USP49: variants seen among roughly 807,000 people sequenced by gnomAD.
USP49 encodes the protein ubiquitin specific peptidase 49.
USP49 carries 24 observed loss-of-function variants against 58.6 expected under a neutral mutation model. That is an observed-to-expected ratio of 0.41 (90% CI 0.30 to 0.58). USP49 has a LOEUF of 0.58. Among genes scored for constraint, USP49 ranks in the 20% least tolerant of loss-of-function variants. USP49 has a pLI of 0.30. For synonymous variants in USP49, 408 were observed against 365.1 expected, an observed-to-expected ratio of 1.12 and a Z score of -1.34; for missense variants, 703 against 866.1, an observed-to-expected ratio of 0.81 and a Z score of 2.36.
At chr6:41,812,712 A>G (rs937053808) in intron 3 of USP49, among the ~76,000 whole-genome samples, 1 of 152,136 alleles carries the variant, frequency 6.6e-6, no homozygotes, top group African/African-American at 2.4e-5. Context: ...ACTTTAGTAC[A>G]TTAATCCAGT....
intron 3 of USP49, among the ~76,000 whole-genome samples, chr6:41,830,331 T>C (rs985679219): frequency 2.6e-5 from 4 of 152,224 alleles, no homozygotes; most frequent in African/African-American, 4.8e-5. Context: ...ATGTTTAATA[T>C]AGCTAAGTTC....
chr6:41,884,418 T>C (rs1018877489), intron 2 of USP49, among the ~76,000 whole-genome samples: 59 of 152,240 alleles, frequency 3.9e-4, no homozygotes, highest in African/African-American at 1.3e-3. Context: ...ATAGCCAAAT[T>C]CTACAACAGT....
At chr6:41,820,993 C>A (rs945884900) in intron 3 of USP49, among the ~76,000 whole-genome samples, 1 of 151,986 alleles carries the variant, frequency 6.6e-6, no homozygotes, top group African/African-American at 2.4e-5. Flanking sequence ...GAGAGCAAGA[C>A]CCTGTCTCAA....
chr6:41,814,738 G>A (rs557080303), intron 3 of USP49, among the ~76,000 whole-genome samples: 2 of 152,278 alleles, frequency 1.3e-5, no homozygotes, highest in South Asian at 4.1e-4. Flanking sequence ...AAGGACCGTA[G>A]AATAATCCTG....
At chr6:41,892,731 A>C (rs1774830437) in intron 1 of USP49, among the ~76,000 whole-genome samples, 2 of 152,214 alleles carry the variant, frequency 1.3e-5, no homozygotes, top group Admixed American at 1.3e-4. Flanking sequence ...CAAAAGTGTC[A>C]ATCCAAAATT....
intron 3 of USP49, among the ~76,000 whole-genome samples, chr6:41,814,608 G>T (rs1773316514): frequency 6.6e-6 from 1 of 152,090 alleles, no homozygotes; most frequent in African/African-American, 2.4e-5. Flanking sequence ...AAATTTCTGG[G>T]GGTTGAAGGG....
chr6:41,820,502 A>AT, intron 3 of USP49, among the ~76,000 whole-genome samples: 1 of 152,178 alleles, frequency 6.6e-6, no homozygotes, highest in East Asian at 1.9e-4. Flanking sequence ...ATGTAGAAAT[A>AT]CCTCTGATAT....
intron 3 of USP49, among the ~76,000 whole-genome samples, chr6:41,813,502 C>T (rs1773294684): frequency 6.6e-6 from 1 of 152,106 alleles, no homozygotes; most frequent in Admixed American, 6.6e-5. Flanking sequence ...GAGAAGAACA[C>T]TAAAAAACCA....
In USP49 at chr6:41,796,819, T is replaced by C; in HGVS notation, c.1877-96A>G. The C allele has an allele frequency of 1.4e-5, 9 of 652,454 alleles. No homozygotes were observed. The South Asian group carries it at 1.6e-4, about 12-fold the overall frequency. The allele number at this position is 652,454 out of a possible 1,614,324, so 40.4% of individuals were successfully genotyped here. A position where few individuals can be genotyped will look rare whatever the true frequency, so the allele number is the denominator to read the frequency against. ...GGAGATGAAGAAAGGGACAGAGAAG[T>C]TCTGAATAGAGCCAACCCTCGATTA... On this transcript the variant is annotated intron_variant, in intron 7 of 7. Coordinates refer to ENST00000682992, the MANE Select transcript of USP49 (RefSeq NM_001286554.2).
At chr6:41,854,816 AAGCTGGAGTGC>A (rs1478865860) in intron 3 of USP49, among the ~76,000 whole-genome samples, 1 of 152,060 alleles carries the variant, frequency 6.6e-6, no homozygotes, top group Non-Finnish European at 1.5e-5. Flanking sequence ...CTTTTTCCCC[AAGCTGGAGTGC>A]AGTGGTGCAA....
intron 3 of USP49, among the ~76,000 whole-genome samples, chr6:41,851,335 A>T (rs928760906): frequency 6.6e-6 from 1 of 152,226 alleles, no homozygotes; most frequent in Admixed American, 6.5e-5. Context: ...TCAACATATG[A>T]ATATCAATCA....
chr6:41,833,661 T>C (rs547650371), intron 3 of USP49, among the ~76,000 whole-genome samples: 4 of 152,182 alleles, frequency 2.6e-5, no homozygotes, highest in Non-Finnish European at 5.9e-5. Context: ...GTAGTTCTTA[T>C]TGGTATGGGT....
chr6:41,863,506 TAAAC>T (rs1774259047), intron 3 of USP49, among the ~76,000 whole-genome samples: 2 of 152,218 alleles, frequency 1.3e-5, no homozygotes, highest in African/African-American at 4.8e-5. Flanking sequence ...TCACGGGTAT[TAAAC>T]AAAAACAGCA....
At chr6:41,802,845 G>A (rs1773044877) in intron 5 of USP49, among the ~76,000 whole-genome samples, 1 of 152,110 alleles carries the variant, frequency 6.6e-6, no homozygotes, top group Admixed American at 6.5e-5. Flanking sequence ...CCATATGTAA[G>A]AGTTCCATTT....
intron 5 of USP49, among the ~76,000 whole-genome samples, chr6:41,802,294 T>C (rs1466000382): frequency 6.6e-6 from 1 of 151,886 alleles, no homozygotes; most frequent in East Asian, 1.9e-4. Context: ...AGTGTTGGGA[T>C]TACAGGTATG....
At chr6:41,883,942 C>T (rs1040612651) in intron 2 of USP49, among the ~76,000 whole-genome samples, 8 of 152,150 alleles carry the variant, frequency 5.3e-5, no homozygotes, top group African/African-American at 1.9e-4. Context: ...AGGTGCCCAT[C>T]ACTATGAGAA....
intron 3 of USP49, among the ~76,000 whole-genome samples, chr6:41,848,424 T>A (rs542627605): frequency 2.0e-4 from 30 of 152,202 alleles, no homozygotes; most frequent in African/African-American, 6.3e-4. Flanking sequence ...TACAGTGCAG[T>A]GGCACTATCA....
intron 4 of USP49, among the ~76,000 whole-genome samples, 154 bp from the exon 5 acceptor site, chr6:41,804,164 T>TA (rs1232987096): frequency 2.6e-5 from 4 of 152,224 alleles, no homozygotes; most frequent in Admixed American, 1.3e-4. Flanking sequence ...TTAAAAGAAT[T>TA]AGAGTATATT....
intron 3 of USP49, among the ~76,000 whole-genome samples, chr6:41,818,670 T>C (rs892005789): frequency 6.6e-6 from 1 of 152,216 alleles, no homozygotes; most frequent in Non-Finnish European, 1.5e-5. Context: ...GTCCGCACCT[T>C]GGTCAGCTAA....
Sources: allele counts gnomAD v4.1 joint callset (sites outside exome capture counted in the v4.1 genomes callset), GRCh38; gene constraint gnomAD v4.1.1; transcripts MANE v1.5; gene names NCBI Gene and HGNC (gene_info 2026-07-23, HGNC 2026-07-21).